Variants in COL19A1 observed in about 807,000 individuals in gnomAD.
COL19A1 encodes the protein collagen alpha-1(XIX) chain.
A neutral mutation model predicts 190.2 loss-of-function variants in COL19A1; 159 were observed. The observed-to-expected ratio is 0.84, with a 90% CI of 0.73 to 0.95. COL19A1 has a LOEUF of 0.95. Ranked by LOEUF, COL19A1 falls within the 40% of genes least tolerant of loss-of-function variation. The pLI is 0.00. For missense variants in COL19A1, 1,418 were observed against 1,431.9 expected (o/e 0.99, Z 0.16); for synonymous variants, 509 against 458.9 (o/e 1.11, Z -1.39).
Position 70,055,706 on chromosome 6 carries a change from T to A in COL19A1, c.1171-12717T>A, listed in dbSNP as rs377164573. On this transcript the variant is annotated intron_variant, in intron 14 of 50. Transcript: ENST00000620364. Reference sequence around the variant, plus strand: ...CTGAGGCAGGAGAATCACTTGAACTTGGGAGGCAGAAGTTGCACTGAGCCA... The same window carrying A: ...CTGAGGCAGGAGAATCACTTGAACTAGGGAGGCAGAAGTTGCACTGAGCCA... 3.3e-5 allele frequency among the ~76,000 whole-genome samples: 5 copies of A among 149,492 alleles called. No homozygotes were observed. The East Asian group carries it at 9.8e-4, about 29-fold the overall frequency.
At chr6:70,142,866 G>A (rs757014550) in intron 23 of COL19A1, 46 bp downstream of exon 23, 2 of 1,542,922 alleles carry the variant, frequency 1.3e-6, no homozygotes, top group South Asian at 1.2e-5. Context: ...ATTGAGACTA[G>A]GACATGTTTT....
chr6:69,919,363 A>G (rs564075906), intron 4 of COL19A1, among the ~76,000 whole-genome samples: 1 of 152,324 alleles, frequency 6.6e-6, no homozygotes, highest in South Asian at 2.1e-4. Context: ...CTAAAAGTAG[A>G]TAATTAGGTG....
At chr6:70,192,884 G>C (rs756604465) in intron 48 of COL19A1, among the ~76,000 whole-genome samples, 1 of 152,144 alleles carries the variant, frequency 6.6e-6, no homozygotes, top group Non-Finnish European at 1.5e-5. Context: ...AAATGCCAGC[G>C]TATGTGTATT....
At chr6:69,885,665 T>C (rs528204320) in intron 2 of COL19A1, among the ~76,000 whole-genome samples, 1 of 152,342 alleles carries the variant, frequency 6.6e-6, no homozygotes, top group East Asian at 1.9e-4. Context: ...AATATTCTTT[T>C]ATTCTCTATC....
chr6:69,942,036 A>G (rs1424970297), intron 9 of COL19A1, among the ~76,000 whole-genome samples: 1 of 152,122 alleles, frequency 6.6e-6, no homozygotes. Context: ...TTTTACTTAG[A>G]TAATGTCGAT....
chr6:70,179,509 C>T (rs1251350829), intron 42 of COL19A1, among the ~76,000 whole-genome samples: 2 of 152,178 alleles, frequency 1.3e-5, no homozygotes, highest in Non-Finnish European at 2.9e-5. Context: ...TGTAGTGACA[C>T]AAACTTATCT....
intron 49 of COL19A1, among the ~76,000 whole-genome samples, chr6:70,201,428 T>A (rs1236333728): frequency 6.6e-6 from 1 of 152,202 alleles, no homozygotes; most frequent in Non-Finnish European, 1.5e-5. Flanking sequence ...TGCAAAGGAT[T>A]TCTATGGATT....
intron 44 of COL19A1, among the ~76,000 whole-genome samples, chr6:70,181,429 G>A (rs1473319972): frequency 6.6e-6 from 1 of 152,068 alleles, no homozygotes; most frequent in African/African-American, 2.4e-5. Flanking sequence ...CTGGCTATGG[G>A]AGGTACTCAA....
chr6:69,973,416 AC>A (rs1260313374), intron 11 of COL19A1, among the ~76,000 whole-genome samples: 1 of 151,924 alleles, frequency 6.6e-6, no homozygotes. Context: ...CCTGATTTCC[AC>A]TTCAGGTTAC....
chr6:69,956,069 A>T (rs1240103422), intron 9 of COL19A1, among the ~76,000 whole-genome samples: 1 of 152,000 alleles, frequency 6.6e-6, no homozygotes, highest in African/African-American at 2.4e-5. Flanking sequence ...AAGAATGCCC[A>T]TCCTGCTTGT....
At chr6:69,955,088 G>T (rs1774331737) in intron 9 of COL19A1, among the ~76,000 whole-genome samples, 1 of 152,048 alleles carries the variant, frequency 6.6e-6, no homozygotes, top group Admixed American at 6.6e-5. Flanking sequence ...TATTTCTGTA[G>T]TATTTTTATG....
At chr6:70,156,998 C>G (rs116925409) in intron 34 of COL19A1, among the ~76,000 whole-genome samples, 2,894 of 152,052 alleles carry the variant, frequency 0.019, 55 homozygotes, top group Middle Eastern at 0.085. Flanking sequence ...AATTCCAGCT[C>G]TCTCAAAATA....
intron 15 of COL19A1, among the ~76,000 whole-genome samples, chr6:70,074,315 A>T (rs1404125014): frequency 6.6e-6 from 1 of 152,114 alleles, no homozygotes; most frequent in Non-Finnish European, 1.5e-5. Flanking sequence ...CCTGGCCAAC[A>T]TGGTGAAACC....
chr6:69,961,425 C>T (rs1774792349), intron 10 of COL19A1, among the ~76,000 whole-genome samples: 1 of 152,192 alleles, frequency 6.6e-6, no homozygotes, highest in Non-Finnish European at 1.5e-5. Context: ...AAGGGATGTG[C>T]AGATTTATCT....
At chr6:70,018,139 A>G (rs891238552) in intron 11 of COL19A1, among the ~76,000 whole-genome samples, 1 of 152,158 alleles carries the variant, frequency 6.6e-6, no homozygotes, top group Non-Finnish European at 1.5e-5. Context: ...GAGCAGAAAA[A>G]GATAGGATTG....
intron 11 of COL19A1, among the ~76,000 whole-genome samples, chr6:69,991,492 A>G (rs936259020): frequency 5.9e-5 from 9 of 152,128 alleles, no homozygotes; most frequent in Non-Finnish European, 1.2e-4. Flanking sequence ...GAAATAGTTT[A>G]CATTCTTACC....
intron 46 of COL19A1, among the ~76,000 whole-genome samples, chr6:70,186,338 A>T (rs1198063288): frequency 6.6e-6 from 1 of 152,168 alleles, no homozygotes; most frequent in Non-Finnish European, 1.5e-5. Flanking sequence ...GTGTGCTAAT[A>T]TTTTTTCTTG....
intron 41 of COL19A1, among the ~76,000 whole-genome samples, chr6:70,174,628 A>G (rs1238064709): frequency 6.6e-6 from 1 of 152,150 alleles, no homozygotes; most frequent in Non-Finnish European, 1.5e-5. Flanking sequence ...TCAGGTAAAG[A>G]CACAGAATAG....
At chr6:70,128,300 G>A (rs1480798649) in intron 17 of COL19A1, among the ~76,000 whole-genome samples, 2 of 152,330 alleles carry the variant, frequency 1.3e-5, no homozygotes, top group African/African-American at 4.8e-5. Context: ...ATTTGGCTGT[G>A]TAAATATTAC....
Sources: gnomAD v4.1 joint callset for allele counts (sites outside exome capture counted in the v4.1 genomes callset) on GRCh38, gnomAD v4.1.1 for gene constraint, MANE v1.5 for transcripts, NCBI Gene and HGNC (gene_info 2026-07-23, HGNC 2026-07-21) for gene names.